Variants in NPL observed in about 807,000 individuals in gnomAD.
NPL encodes N-acetylneuraminate lyase.
A neutral mutation model predicts 41.1 loss-of-function variants in NPL; 32 were observed. The ratio of observed to expected loss-of-function variants is 0.78; its 90% CI spans 0.59 to 1.05. The LOEUF is 1.05. Ranked by LOEUF, NPL falls within the 50% of genes least tolerant of loss-of-function variation. The probability of loss-of-function intolerance (pLI) is 0.00; values close to 1 mark genes in which losing one functional copy is unlikely to be tolerated. For missense variants in NPL, 321 were observed against 378.4 expected (o/e 0.85, Z 1.26); for synonymous variants, 128 against 134.9 (o/e 0.95, Z 0.35).
At chr1:182,798,732 G>A (rs1268918038) in intron 3 of NPL, among the ~76,000 whole-genome samples, 2 of 152,164 alleles carry the variant, frequency 1.3e-5, no homozygotes, top group Admixed American at 6.5e-5. Flanking sequence ...GAAAGGCCTG[G>A]CCTGCTAGAG....
intron 10 of NPL, among the ~76,000 whole-genome samples, chr1:182,820,339 T>G (rs930697941): frequency 9.9e-5 from 15 of 152,232 alleles, no homozygotes; most frequent in Non-Finnish European, 2.1e-4. Context: ...AAATAACATT[T>G]ATAACATGTC....
chr1:182,790,794 C>T (rs184227742), intron 1 of NPL, among the ~76,000 whole-genome samples: 2 of 152,334 alleles, frequency 1.3e-5, no homozygotes, highest in Admixed American at 6.5e-5. Flanking sequence ...CAGGCTCCCG[C>T]CACCACGCCC....
chr1:182,796,187 GAA>G (rs1666662121), intron 3 of NPL, among the ~76,000 whole-genome samples: 1 of 77,086 alleles, frequency 1.3e-5, no homozygotes, highest in Non-Finnish European at 2.7e-5. Flanking sequence ...AAAAAAAAAA[GAA>G]TGCATTATGT....
At chr1:182,793,606 A>G (rs541899572) in intron 2 of NPL, among the ~76,000 whole-genome samples, 4 of 152,338 alleles carry the variant, frequency 2.6e-5, no homozygotes, top group Admixed American at 6.5e-5. Context: ...TATGCAGTCT[A>G]CATGGTTAAC....
intron 5 of NPL, among the ~76,000 whole-genome samples, chr1:182,807,653 G>T (rs987163522): frequency 4.7e-5 from 7 of 149,072 alleles, no homozygotes; most frequent in Non-Finnish European, 7.4e-5. Context: ...AAGGCGGGCG[G>T]ATCACGAGGT....
At chr1:182,826,963 C>A (rs1217729730) in intron 12 of NPL, 1 of 152,084 alleles carries the variant, frequency 6.6e-6, no homozygotes, top group Non-Finnish European at 1.5e-5. Flanking sequence ...TAAACAGTAA[C>A]TAATAATAAA....
At chr1:182,806,332 C>G (rs768009608) in intron 5 of NPL, 100 bp downstream of exon 5, 1 of 1,569,514 alleles carries the variant, frequency 6.4e-7, no homozygotes. Flanking sequence ...TGGTCAGAGC[C>G]GGGGCTTGAG....
In NPL at chr1:182,822,147, AGATGTTG is replaced by A. The variant is rs1209307593; in HGVS notation, c.689_695del (p.Met230ArgfsTer10). On this transcript the variant is annotated frameshift_variant, in exon 11 of 13. Transcript: ENST00000367553. LOFTEE classifies it high-confidence loss of function. ...AACTACCTGGGAAAAAAGACAAACC[AGATGTTG>A]GAGGCTTTTGAACAAAAGGACTTCT... 1 of 1,613,796 alleles carries A rather than the reference AGATGTTG, an allele frequency of 6.2e-7. No homozygotes were observed. The highest frequency in any genetic ancestry group is 1.7e-5 in the Admixed American group (1 of 60,028).
In NPL at chr1:182,818,553, A is replaced by G; in HGVS notation, c.470A>G (p.Glu157Gly). ...ALTGVKIRAE[E>G]LLDGILDKIP... Reference sequence around the variant, plus strand: ...TTATTTTGAGCAGTTCGTGCTGAGGAGTTGTTGGATGGGATTCTGGATAAG... The same window carrying G: ...TTATTTTGAGCAGTTCGTGCTGAGGGGTTGTTGGATGGGATTCTGGATAAG... The change falls in exon 9 of 13, where the codon GAG becomes GGG. Residue 157 changes from glutamate to glycine, a missense_variant. Physicochemically the swap from Glu to Gly is moderately conservative, Grantham distance 98. Transcript: ENST00000367553. 1 of 1,614,186 alleles carries G rather than the reference A, an allele frequency of 6.2e-7. No homozygotes were observed. Among genetic ancestry groups the G allele is most frequent in the Non-Finnish European group, 8.5e-7 (1 of 1,180,046 alleles).
intron 4 of NPL, among the ~76,000 whole-genome samples, chr1:182,804,420 G>T (rs1375592072): frequency 1.3e-5 from 2 of 152,208 alleles, no homozygotes; most frequent in African/African-American, 2.4e-5. Flanking sequence ...GAGCCACCGC[G>T]CCCAGCCTCT....
intron 5 of NPL, among the ~76,000 whole-genome samples, chr1:182,807,701 C>T (rs1204285754): frequency 4.1e-5 from 6 of 146,968 alleles, no homozygotes; most frequent in African/African-American, 1.3e-4. Context: ...AGGATGAAAC[C>T]CCGTCTCTAC....
In NPL at chr1:182,829,043, A is replaced by T; in HGVS notation, c.*135A>T. The T allele has an allele frequency of 6.6e-7, 1 of 1,517,052 alleles. No homozygotes were observed. Among genetic ancestry groups the T allele is most frequent in the Non-Finnish European group, 8.8e-7 (1 of 1,140,812 alleles). The allele number at this position is 1,517,052 out of a possible 1,614,324, so 94.0% of individuals were successfully genotyped here. A position where few individuals can be genotyped will look rare whatever the true frequency, so the allele number is the denominator to read the frequency against. On this transcript the variant is annotated 3_prime_UTR_variant, in exon 13 of 13. Transcript: ENST00000367553. ...GAAATCTCACAATAAGCATTGAGGT[A>T]CCTTTTGTGAGCCTTAAAAAGTCTT...
intron 1 of NPL, among the ~76,000 whole-genome samples, chr1:182,791,764 A>G (rs974153897): frequency 6.6e-6 from 1 of 152,194 alleles, no homozygotes; most frequent in Non-Finnish European, 1.5e-5. Context: ...GCACAAGACT[A>G]CGGAGTTTTA....
chr1:182,790,488 C>G (rs915010772), intron 1 of NPL, among the ~76,000 whole-genome samples: 2 of 152,190 alleles, frequency 1.3e-5, no homozygotes, highest in East Asian at 3.8e-4. Context: ...ATAACATTCC[C>G]AAGTTTATCT....
At chr1:182,797,756 A>G (rs1666716811) in intron 3 of NPL, among the ~76,000 whole-genome samples, 1 of 152,174 alleles carries the variant, frequency 6.6e-6, no homozygotes, top group African/African-American at 2.4e-5. Context: ...GTATTGCATC[A>G]GAATTATTTG....
chr1:182,822,870 G>C (rs753162851), intron 11 of NPL, among the ~76,000 whole-genome samples: 7 of 152,158 alleles, frequency 4.6e-5, no homozygotes, highest in Non-Finnish European at 7.4e-5. Flanking sequence ...TCAACAACTG[G>C]TTGTCTTTTA....
chr1:182,816,798 G>A lies in NPL; in HGVS notation c.449G>A (p.Gly150Glu), dbSNP rs766442113. 1.9e-6 allele frequency: 3 copies of A among 1,611,122 alleles called. No individual in the cohort carries two copies. The highest frequency in any genetic ancestry group is 2.5e-6 in the Non-Finnish European group (3 of 1,177,706). Residue 150 changes from glycine (G) to glutamate (E), a missense_variant, in exon 8 of 13, where the codon GGG (glycine) becomes GAG (glutamate). By Grantham distance (98) the Gly-to-Glu change is moderately conservative. Transcript: ENST00000367553. ...FYYYHIPALT[G>E]VKIRAEELLD... ...TACTATCACATTCCTGCCTTGACAG[G>A]GGTAAAGAGTAAGTACTGCTTCTGT... is the stretch of plus-strand genomic sequence containing the variant.
At chr1:182,790,740 T>A (rs1666487371) in intron 1 of NPL, among the ~76,000 whole-genome samples, 1 of 152,154 alleles carries the variant, frequency 6.6e-6, no homozygotes, top group East Asian at 1.9e-4. Flanking sequence ...ACCTCCCAGG[T>A]TCACGCCATT....
chr1:182,826,208 A>G (rs1373678454), intron 12 of NPL: 1 of 266,720 alleles, frequency 3.7e-6, no homozygotes, highest in Non-Finnish European at 7.2e-6. Context: ...CAGCTCTCCC[A>G]AGAGTATTTA....
Sources: allele counts gnomAD v4.1 joint callset (sites outside exome capture counted in the v4.1 genomes callset), GRCh38; gene constraint gnomAD v4.1.1; transcripts MANE v1.5; gene names NCBI Gene and HGNC (gene_info 2026-07-23, HGNC 2026-07-21).